The following SATB2 variants were observed in gnomAD, a reference collection of about 807,000 sequenced individuals.
SATB2 encodes DNA-binding protein SATB2.
In SATB2, 1 loss-of-function variant was observed where a neutral mutation model predicts 73.4. The ratio of observed to expected loss-of-function variants is 0.01; its 90% CI spans 0.00 to 0.06. SATB2 has a LOEUF of 0.06. Among genes scored for constraint, SATB2 ranks in the 10% least tolerant of loss-of-function variants. The probability of loss-of-function intolerance (pLI) is 1.00; values close to 1 mark genes in which losing one functional copy is unlikely to be tolerated. For synonymous variants in SATB2, 397 were observed against 367.0 expected (o/e 1.08, Z -0.93); for missense variants, 459 against 945.8 (o/e 0.49, Z 6.75).
intron 3 of SATB2, among the ~76,000 whole-genome samples, chr2:199,427,166 T>C (rs1211426666): frequency 6.6e-6 from 1 of 152,176 alleles, no homozygotes; most frequent in Non-Finnish European, 1.5e-5. Flanking sequence ...GAATGAGTCA[T>C]CGTGCACAGC....
chr2:199,381,647 G>A (rs368200681), intron 4 of SATB2, 47 bp downstream of exon 4: 31 of 1,610,976 alleles, frequency 1.9e-5, no homozygotes, highest in East Asian at 8.9e-5. Flanking sequence ...TATGATTGAC[G>A]GAGCAGCTCT....
intron 7 of SATB2, among the ~76,000 whole-genome samples, chr2:199,337,653 T>C (rs1245206905): frequency 1.3e-5 from 2 of 152,198 alleles, no homozygotes; most frequent in African/African-American, 4.8e-5. Context: ...GTAAAAAGTA[T>C]TTCTTATAGG....
chr2:199,325,978 T>A (rs984473287), intron 8 of SATB2: 6 of 152,204 alleles, frequency 3.9e-5, no homozygotes, highest in African/African-American at 1.4e-4. Flanking sequence ...TTCAAATTTC[T>A]TCAATTTGTT....
At position 199,463,542 on chromosome 2, in the gene SATB2, G is replaced by C. The variant is rs1420747064; in HGVS notation, c.-141+1294C>G. Among the ~76,000 whole-genome samples, 2 of 152,206 alleles carry C rather than the reference G, an allele frequency of 1.3e-5. No individual in the cohort carries two copies. The highest frequency in any genetic ancestry group is 2.9e-5 in the Non-Finnish European group (2 of 68,030). On this transcript the variant is annotated intron_variant, in intron 1 of 11. Coordinates refer to the SATB2 transcript ENST00000260926. This position sits in a 1 kb window ranked among gnomAD's most constrained non-coding sequence, Gnocchi z 6.4. ...GGGTCACTGCCCGGGTCCCGGCCCG[G>C]AGCCCCAGCGTCCTCTCCCGACAGC...
chr2:199,391,440 A>AC (rs936685759), intron 3 of SATB2, among the ~76,000 whole-genome samples: 6 of 151,214 alleles, frequency 4.0e-5, no homozygotes, highest in African/African-American at 1.5e-4. Flanking sequence ...CTCAAAAAAA[A>AC]AAAAAAAAAA....
chr2:199,410,476 A>G (rs1374365004), intron 3 of SATB2, among the ~76,000 whole-genome samples: 1 of 152,198 alleles, frequency 6.6e-6, no homozygotes, highest in African/African-American at 2.4e-5. Flanking sequence ...ACAGGAGTAC[A>G]TTTGTGCCTC....
intron 2 of SATB2, among the ~76,000 whole-genome samples, chr2:199,434,807 T>C (rs1343121737): frequency 6.6e-6 from 1 of 152,064 alleles, no homozygotes; most frequent in Non-Finnish European, 1.5e-5. Context: ...CCTGACTCAC[T>C]CTGATCTGGA....
intron 3 of SATB2, chr2:199,423,961 G>A (rs887553863): frequency 1.3e-5 from 2 of 152,164 alleles, no homozygotes; most frequent in African/African-American, 4.8e-5. Context: ...GGAAGCTGAG[G>A]GGGACCTCTG....
chr2:199,336,091 G>T (rs926724069), intron 7 of SATB2, among the ~76,000 whole-genome samples: 7 of 152,060 alleles, frequency 4.6e-5, no homozygotes, highest in African/African-American at 1.4e-4. Context: ...TTGTTTGTTT[G>T]TTTTTGCATA....
At chr2:199,398,815 C>G (rs1471144544) in intron 3 of SATB2, among the ~76,000 whole-genome samples, 4 of 152,070 alleles carry the variant, frequency 2.6e-5, no homozygotes, top group Non-Finnish European at 5.9e-5. Context: ...CCAGGTTTGA[C>G]AAGTGTGGAA....
intron 9 of SATB2, among the ~76,000 whole-genome samples, chr2:199,311,636 T>G (rs988137666): frequency 3.3e-5 from 5 of 152,188 alleles, no homozygotes; most frequent in Non-Finnish European, 4.4e-5. Context: ...TAGGTATTTA[T>G]TTTGTATCTG....
In SATB2 at chr2:199,391,452, A is replaced by T. The variant is rs753583133; in HGVS notation, c.347-9632T>A. Among the ~76,000 whole-genome samples the T allele has an allele frequency of 2.9e-3, 427 of 146,124 alleles. 1 individual carries two copies. Among genetic ancestry groups the T allele is most frequent in the Non-Finnish European group, 4.2e-3 (274 of 65,876 alleles). The stretch of plus-strand genomic sequence containing the variant: ...CGTCTCAAAAAAAAAAAAAAAAAAA[A>T]CAAAAAACAAAAAACGAGTATTTTA... On this transcript the variant is annotated intron_variant, in intron 3 of 10. Coordinates refer to ENST00000417098, the MANE Select transcript of SATB2 (RefSeq NM_001172509.2).
intron 3 of SATB2, among the ~76,000 whole-genome samples, chr2:199,426,165 T>A (rs1423471808): frequency 2.0e-5 from 3 of 151,986 alleles, no homozygotes; most frequent in Non-Finnish European, 4.4e-5. Context: ...AAGAAAAAAC[T>A]GCTGAAAGTC....
intron 9 of SATB2, among the ~76,000 whole-genome samples, chr2:199,310,255 T>A (rs1687560255): frequency 6.6e-6 from 1 of 152,188 alleles, no homozygotes; most frequent in Non-Finnish European, 1.5e-5. Flanking sequence ...AACACAACAC[T>A]GCCTTGTTTT....
intron 3 of SATB2, among the ~76,000 whole-genome samples, chr2:199,388,427 AG>A (rs1690023981): frequency 6.6e-6 from 1 of 152,160 alleles, no homozygotes; most frequent in South Asian, 2.1e-4. Flanking sequence ...GGCCTACAAC[AG>A]GCTGCCTGTG....
intron 3 of SATB2, among the ~76,000 whole-genome samples, chr2:199,425,424 C>T (rs1691296872): frequency 2.0e-5 from 3 of 152,186 alleles, no homozygotes; most frequent in Admixed American, 2.0e-4. Flanking sequence ...AAATACTTTC[C>T]TCATCATGGA....
At chr2:199,280,001 C>A (rs758446472) in intron 10 of SATB2, among the ~76,000 whole-genome samples, 2 of 152,188 alleles carry the variant, frequency 1.3e-5, no homozygotes, top group Admixed American at 1.3e-4. Flanking sequence ...ATTAGCCAGG[C>A]GTGGTGGCAC....
chr2:199,377,550 C>A (rs953910053), intron 5 of SATB2, among the ~76,000 whole-genome samples: 10 of 152,180 alleles, frequency 6.6e-5, no homozygotes, highest in African/African-American at 2.4e-4. Context: ...GTAAACATTT[C>A]AAAATAATTA....
At chr2:199,291,953 A>G (rs1270112013) in intron 10 of SATB2, among the ~76,000 whole-genome samples, 3 of 152,198 alleles carry the variant, frequency 2.0e-5, no homozygotes, top group Non-Finnish European at 4.4e-5. Flanking sequence ...CAAACAAACA[A>G]AAACCACTTG....
Sources: gnomAD v4.1 joint callset for allele counts (sites outside exome capture counted in the v4.1 genomes callset) on GRCh38, gnomAD v4.1.1 for gene constraint, Gnocchi (gnomAD v3.1) non-coding constraint, MANE v1.5 for transcripts, NCBI Gene and HGNC (gene_info 2026-07-23, HGNC 2026-07-21) for gene names.